ACSM3: variants seen among roughly 807,000 people sequenced by gnomAD.
ACSM3 encodes the protein acyl-coenzyme A synthetase ACSM3, mitochondrial.
In ACSM3, 61 loss-of-function variants were observed where a neutral mutation model predicts 74.1. The ratio of observed to expected loss-of-function variants is 0.82; its 90% CI spans 0.67 to 1.02. The LOEUF is 1.02. Among genes scored for constraint, ACSM3 ranks in the 50% least tolerant of loss-of-function variants. The pLI is 0.00. For missense variants in ACSM3, 660 were observed against 697.0 expected (o/e 0.95, Z 0.60); for synonymous variants, 213 against 241.5 (o/e 0.88, Z 1.09).
chr16:20,742,053 G>T, intron 1 of ACSM3: 1 of 1,379,946 alleles, frequency 7.2e-7, no homozygotes, highest in Non-Finnish European at 9.4e-7. Flanking sequence ...CAGCCATATA[G>T]CTTCTTCCAC....
chr16:20,679,022 A>G (rs796148589), intron 1 of ACSM3: 5 of 152,250 alleles, frequency 3.3e-5, no homozygotes, highest in African/African-American at 7.2e-5. Context: ...AAAAATGCCT[A>G]TAAGTCTAAC....
At chr16:20,697,519 A>G (rs1045814008) in intron 1 of ACSM3, 1 of 151,602 alleles carries the variant, frequency 6.6e-6, no homozygotes, top group Non-Finnish European at 1.5e-5. Flanking sequence ...AAGGTCACTC[A>G]ACTTAAAAGT....
At chr16:20,727,054 A>G (rs920995539) in intron 1 of ACSM3, among the ~76,000 whole-genome samples, 2 of 152,232 alleles carry the variant, frequency 1.3e-5, no homozygotes, top group African/African-American at 2.4e-5. Flanking sequence ...AGCACTTAGT[A>G]TCATTAATAG....
At chr16:20,722,378 A>G (rs1256198619) in intron 1 of ACSM3, 1 of 152,210 alleles carries the variant, frequency 6.6e-6, no homozygotes, top group African/African-American at 2.4e-5. Flanking sequence ...GTTATTAAAC[A>G]TGGTGGCATG....
chr16:20,737,568 T>A, intron 1 of ACSM3: 2 of 895,182 alleles, frequency 2.2e-6, no homozygotes, highest in South Asian at 4.8e-5. Context: ...ATCAGTTGAT[T>A]TAATACTATT....
intron 1 of ACSM3, among the ~76,000 whole-genome samples, chr16:20,729,807 C>T (rs2079820092): frequency 6.6e-6 from 1 of 151,828 alleles, no homozygotes; most frequent in South Asian, 2.1e-4. Flanking sequence ...AGACATTTGG[C>T]TCATATAAAT....
rs2080576179 is a variant in ACSM3, at chr16:20,790,611, C to G, written c.1249C>G (p.Leu417Val). 4 of 1,613,984 alleles carry G rather than the reference C, an allele frequency of 2.5e-6. No individual in the cohort carries two copies. Among genetic ancestry groups the G allele is most frequent in the African/African-American group, 1.3e-5 (1 of 74,946 alleles). ...VKIVDVNGNVLPPGQEGDIGI... is the reference protein window; with the variant it reads ...VKIVDVNGNVVPPGQEGDIGI... ...GATTGTAGATGTAAATGGCAATGTT[C>G]TACCTCCTGGACAAGAAGGAGATAT... The change falls in exon 10 of 14, where the codon CTA becomes GTA. Residue 417 changes from leucine (L) to valine (V), a missense_variant. Transcript: ENST00000289416. The surrounding 1 kb of genome is among the most constrained non-coding windows in gnomAD (Gnocchi z 4.0).
intron 1 of ACSM3, among the ~76,000 whole-genome samples, chr16:20,686,015 C>T (rs1567311328): frequency 6.6e-6 from 1 of 151,906 alleles, no homozygotes; most frequent in Non-Finnish European, 1.5e-5. Flanking sequence ...ATGGACTGTG[C>T]ATTCTTCTCT....
At chr16:20,784,454 A>G (rs2080424652) in intron 7 of ACSM3, 1 of 152,764 alleles carries the variant, frequency 6.5e-6, no homozygotes, top group Non-Finnish European at 1.5e-5. Context: ...ATATCCCACC[A>G]TCAGTTTTAC....
Position 20,775,870 on chromosome 16 carries a change from G to T in ACSM3, c.251G>T (p.Trp84Leu). Residue 84 changes from tryptophan (W) to leucine (L), a missense_variant, in exon 3 of 14, where the codon TGG becomes TTG. Trp to Leu is a moderately conservative substitution (Grantham distance 61, BLOSUM62 -2). Coordinates refer to ENST00000289416, the MANE Select transcript of ACSM3 (RefSeq NM_005622.4). Reference sequence around the variant, plus strand: ...AAGAAACCTTCAAATCCAGCCTTCTGGTGGATCAACAGAAATGGAGAAGAG... The same window carrying T: ...AAGAAACCTTCAAATCCAGCCTTCTTGTGGATCAACAGAAATGGAGAAGAG... ...AGKKPSNPAF[W>L]WINRNGEEMR... 1 of 1,614,146 alleles carries T rather than the reference G, an allele frequency of 6.2e-7. No individual in the cohort carries two copies. Among genetic ancestry groups the T allele is most frequent in the Non-Finnish European group, 8.5e-7 (1 of 1,180,022 alleles).
chr16:20,717,956 GGAA>G (rs746227909), intron 1 of ACSM3, among the ~76,000 whole-genome samples: 6,048 of 73,776 alleles, frequency 0.082, 229 homozygotes, highest in East Asian at 0.14. Context: ...AAGAGGAAGA[GGAA>G]GAAGAAGAAG....
intron 1 of ACSM3, chr16:20,749,893 A>G (rs1480395902): frequency 6.6e-6 from 1 of 152,408 alleles, no homozygotes; most frequent in African/African-American, 2.4e-5. Context: ...AAATAAGGCC[A>G]TGTGTCTCTA....
chr16:20,716,049 C>G (rs1383176371), intron 1 of ACSM3, among the ~76,000 whole-genome samples: 1 of 152,140 alleles, frequency 6.6e-6, no homozygotes. Flanking sequence ...TAAGTTACCC[C>G]CCAGGGAAAG....
chr16:20,756,050 T>A (rs1487374248), intron 3 of ACSM3, among the ~76,000 whole-genome samples: 6 of 152,198 alleles, frequency 3.9e-5, no homozygotes, highest in African/African-American at 1.2e-4. Context: ...ACATTTGGAT[T>A]GGTTCCAAGT....
chr16:20,788,140 A>T (rs1031723005), intron 9 of ACSM3, among the ~76,000 whole-genome samples: 4 of 151,898 alleles, frequency 2.6e-5, no homozygotes, highest in African/African-American at 9.7e-5. Flanking sequence ...CTCTTTGAAA[A>T]GCTTATCTAA....
chr16:20,741,481 G>GCCCCCCCCCCC, intron 1 of ACSM3: 10 of 1,308,410 alleles, frequency 7.6e-6, no homozygotes, highest in South Asian at 5.3e-5. Context: ...CTGGCAGCCG[G>GCCCCCCCCCCC]CCCGCCCGCC....
At chr16:20,689,298 T>C (rs541970373) in intron 1 of ACSM3, among the ~76,000 whole-genome samples, 35 of 152,034 alleles carry the variant, frequency 2.3e-4, no homozygotes, top group Non-Finnish European at 3.4e-4. Flanking sequence ...CAAATATTTA[T>C]TGAATATACA....
chr16:20,705,669 C>T (rs749466700), intron 1 of ACSM3, among the ~76,000 whole-genome samples: 29 of 151,928 alleles, frequency 1.9e-4, no homozygotes, highest in Non-Finnish European at 3.4e-4. Flanking sequence ...AGTATATTAA[C>T]GACAATGTTC....
At chr16:20,715,540 G>A (rs971275319) in intron 1 of ACSM3, among the ~76,000 whole-genome samples, 11 of 151,990 alleles carry the variant, frequency 7.2e-5, no homozygotes, top group African/African-American at 2.4e-4. Flanking sequence ...GGATGTGGAG[G>A]TTGCAGTGAA....
Sources: allele counts gnomAD v4.1 joint callset (sites outside exome capture counted in the v4.1 genomes callset), GRCh38; gene constraint gnomAD v4.1.1; non-coding constraint Gnocchi (gnomAD v3.1); transcripts MANE v1.5; gene names NCBI Gene and HGNC (gene_info 2026-07-23, HGNC 2026-07-21).